The following APBA1 variants were observed in gnomAD, a reference collection of about 807,000 sequenced individuals.
The protein encoded by APBA1 is amyloid beta precursor protein binding family A member 1, also known as amyloid-beta A4 precursor protein-binding family A member 1.
In APBA1, 55 loss-of-function variants were observed where a neutral mutation model predicts 86.6. The observed-to-expected ratio is 0.64, with a 90% CI of 0.51 to 0.80. The LOEUF is 0.80. APBA1 is among the 30% of genes least tolerant of loss of function. The probability of loss-of-function intolerance (pLI) is 0.00; values close to 1 mark genes in which losing one functional copy is unlikely to be tolerated. For synonymous variants in APBA1, 511 were observed against 493.9 expected (o/e 1.03, Z -0.46); for missense variants, 1,090 against 1,183.0 (o/e 0.92, Z 1.15).
At chr9:69,618,564 C>T (rs148358698) in intron 1 of APBA1, among the ~76,000 whole-genome samples, 7 of 152,208 alleles carry the variant, frequency 4.6e-5, no homozygotes, top group East Asian at 3.9e-4. Flanking sequence ...ATCAAGATGG[C>T]GGCCAGTCAT....
At chr9:69,522,528 G>T (rs1306343665) in intron 1 of APBA1, among the ~76,000 whole-genome samples, 1 of 152,190 alleles carries the variant, frequency 6.6e-6, no homozygotes, top group East Asian at 1.9e-4. Flanking sequence ...TATCAGACAT[G>T]TACCAGTCAC....
chr9:69,560,781 A>G (rs1350117201), intron 1 of APBA1, among the ~76,000 whole-genome samples: 2 of 152,236 alleles, frequency 1.3e-5, no homozygotes, highest in East Asian at 1.9e-4. Context: ...AAATGCTCCA[A>G]TGAGCACTTC....
Position 69,572,246 on chromosome 9 carries a change from C to T in APBA1, c.-69-54967G>A, listed in dbSNP as rs115529625. On this transcript the variant is annotated intron_variant, in intron 1 of 12. Transcript: ENST00000265381. ...TTCCTGATGCTCTCCCAACGTGTGC[C>T]GTCCCCCCTGACAGGCCCCAGTGTG... Among the ~76,000 whole-genome samples the T allele has an allele frequency of 8.5e-3, 1,296 of 152,232 alleles. 17 individuals are homozygous for T. The highest frequency in any genetic ancestry group is 0.029 in the African/African-American group (1,222 of 41,534).
At chr9:69,635,642 G>T (rs113622562) in intron 1 of APBA1, among the ~76,000 whole-genome samples, 6 of 152,022 alleles carry the variant, frequency 3.9e-5, no homozygotes, top group African/African-American at 1.4e-4. Context: ...GAAAATAAAG[G>T]AATGGAAAAA....
chr9:69,521,461 G>A (rs1417271970), intron 1 of APBA1, among the ~76,000 whole-genome samples: 2 of 152,208 alleles, frequency 1.3e-5, no homozygotes, highest in Non-Finnish European at 2.9e-5. Context: ...AGGCACATTC[G>A]AGGCACTGGG....
chr9:69,671,890 G>A (rs529472221), intron 1 of APBA1, among the ~76,000 whole-genome samples: 4 of 152,226 alleles, frequency 2.6e-5, no homozygotes, highest in African/African-American at 9.6e-5. Flanking sequence ...CATCAGGCCC[G>A]CCTGCTGCGC....
chr9:69,556,008 G>A (rs73647252), intron 1 of APBA1, among the ~76,000 whole-genome samples: 10,117 of 151,996 alleles, frequency 0.067, 436 homozygotes, highest in African/African-American at 0.11. Context: ...CAGTTAAGTG[G>A]CAACAACAAA....
intron 5 of APBA1, among the ~76,000 whole-genome samples, chr9:69,466,773 T>A (rs185161085): frequency 9.8e-5 from 15 of 152,326 alleles, no homozygotes; most frequent in African/African-American, 3.6e-4. Context: ...TCTTTCTCCT[T>A]CCACGTTACC....
At chr9:69,584,688 G>A (rs930538452) in intron 1 of APBA1, among the ~76,000 whole-genome samples, 1 of 152,136 alleles carries the variant, frequency 6.6e-6, no homozygotes. Flanking sequence ...ATTTTAAAAG[G>A]GGAAATAATG....
chr9:69,656,023 T>C (rs1016235094), intron 1 of APBA1, among the ~76,000 whole-genome samples: 2 of 152,222 alleles, frequency 1.3e-5, no homozygotes, highest in African/African-American at 2.4e-5. Context: ...ATGTACAATT[T>C]TTATGTGTCA....
intron 1 of APBA1, among the ~76,000 whole-genome samples, chr9:69,611,656 C>T (rs1447028064): frequency 6.6e-6 from 1 of 152,178 alleles, no homozygotes; most frequent in Non-Finnish European, 1.5e-5. Flanking sequence ...AATTTGGATC[C>T]AACTGTCTTA....
intron 9 of APBA1, 21 bp downstream of exon 9, chr9:69,452,101 C>T (rs1257968596): frequency 3.1e-6 from 5 of 1,608,658 alleles, no homozygotes; most frequent in Non-Finnish European, 3.4e-6. Context: ...GCCTGGAGAA[C>T]AGCTTCAGGT....
At chr9:69,519,834 G>A (rs1364829328) in intron 1 of APBA1, among the ~76,000 whole-genome samples, 2 of 152,142 alleles carry the variant, frequency 1.3e-5, no homozygotes, top group Admixed American at 1.3e-4. Flanking sequence ...GGTTAAAATC[G>A]GTGAATGGTG....
In APBA1 at chr9:69,615,613, C is replaced by G. The variant is rs1259436765; in HGVS notation, c.-70+56540G>C. Among the ~76,000 whole-genome samples the G allele has an allele frequency of 3.3e-5, 5 of 152,214 alleles. No individual in the cohort carries two copies. The South Asian group carries it at 6.2e-4, about 19-fold the overall frequency. On this transcript the variant is annotated intron_variant, in intron 1 of 12. Coordinates refer to ENST00000265381, the MANE Select transcript of APBA1 (RefSeq NM_001163.4). ...TCAATAGATTTTAAATCTGAGCTTC[C>G]TATGTCATCAATGTAAAGATAAAAG...
intron 11 of APBA1, 23 bp downstream of exon 11, chr9:69,440,973 G>C (rs1244683412): frequency 6.2e-7 from 1 of 1,609,432 alleles, no homozygotes; most frequent in Non-Finnish European, 8.5e-7. Flanking sequence ...TGTGGAAAAG[G>C]GTGTGGAAGG....
At chr9:69,528,022 TAA>T (rs967504987) in intron 1 of APBA1, among the ~76,000 whole-genome samples, 1 of 152,146 alleles carries the variant, frequency 6.6e-6, no homozygotes, top group African/African-American at 2.4e-5. Flanking sequence ...CCAAGATTAT[TAA>T]AAAGACTCTG....
chr9:69,606,954 A>G (rs1233781589), intron 1 of APBA1, among the ~76,000 whole-genome samples: 1 of 152,238 alleles, frequency 6.6e-6, no homozygotes, highest in Non-Finnish European at 1.5e-5. Context: ...AACTGGATAC[A>G]TTAAAAAATA....
At chr9:69,599,160 A>G (rs904607049) in intron 1 of APBA1, among the ~76,000 whole-genome samples, 2 of 152,260 alleles carry the variant, frequency 1.3e-5, no homozygotes, top group South Asian at 4.1e-4. Flanking sequence ...TGGCTGCACG[A>G]CAATGTGAGC....
In APBA1 at chr9:69,516,046, TG is replaced by T; in HGVS notation, c.1164del (p.Arg389GlyfsTer67). 6.2e-7 allele frequency: 1 copy of T among 1,600,392 alleles called. No homozygotes were observed. The highest frequency in any genetic ancestry group is 8.5e-7 in the Non-Finnish European group (1 of 1,172,106). ...ATCGGCCTCTGGTCGTCACAGTCCC[TG>T]GTGGGGCTAATGTCCTGGCGCATGA... ...IWVMRQDISP[T>X]RDCDDQRPMD... On this transcript the variant is annotated frameshift_variant, in exon 2 of 13. Coordinates refer to ENST00000265381, the MANE Select transcript of APBA1 (RefSeq NM_001163.4). LOFTEE classifies it high-confidence loss of function. This position sits in a 1 kb window ranked among gnomAD's most constrained non-coding sequence, Gnocchi z 7.3.
Sources: gnomAD v4.1 joint callset for allele counts (sites outside exome capture counted in the v4.1 genomes callset) on GRCh38, gnomAD v4.1.1 for gene constraint, Gnocchi (gnomAD v3.1) non-coding constraint, MANE v1.5 for transcripts, NCBI Gene and HGNC (gene_info 2026-07-23, HGNC 2026-07-21) for gene names.